The following SGCZ variants were observed in gnomAD, a reference collection of about 807,000 sequenced individuals.
SGCZ encodes the protein zeta-sarcoglycan.
A neutral mutation model predicts 41.3 loss-of-function variants in SGCZ; 40 were observed. The ratio of observed to expected loss-of-function variants is 0.97; its 90% CI spans 0.75 to 1.26. The LOEUF (loss-of-function observed/expected upper bound fraction) is 1.26. SGCZ is among the 50% of genes most tolerant of loss of function. The probability of loss-of-function intolerance (pLI) is 0.00; values close to 1 mark genes in which losing one functional copy is unlikely to be tolerated. For missense variants in SGCZ, 552 were observed against 369.8 expected, an observed-to-expected ratio of 1.49 and a Z score of -4.04; for synonymous variants, 206 against 137.5, an observed-to-expected ratio of 1.50 and a Z score of -3.49.
In SGCZ at chr8:14,335,862, A is replaced by G. The variant is rs527312259; in HGVS notation, c.235-11658T>C. Among the ~76,000 whole-genome samples, 21 of 152,274 alleles carry G rather than the reference A, an allele frequency of 1.4e-4. No individual in the cohort carries two copies. The South Asian group carries it at 4.1e-3, about 30-fold the overall frequency. On this transcript the variant is annotated intron_variant, in intron 2 of 7. Transcript: ENST00000382080. ...ATCAGGTTATAAGCTTATTGCAGGC[A>G]GGTATACAACATCTCTTTACTCAAT...
At chr8:14,579,004 A>T (rs1164250384) in intron 1 of SGCZ, among the ~76,000 whole-genome samples, 1 of 152,184 alleles carries the variant, frequency 6.6e-6, no homozygotes, top group Non-Finnish European at 1.5e-5. Context: ...TTTAACATGC[A>T]GAATTTAATG....
chr8:14,808,471 C>T (rs1439709172), intron 1 of SGCZ, among the ~76,000 whole-genome samples: 1 of 152,108 alleles, frequency 6.6e-6, no homozygotes, highest in African/African-American at 2.4e-5. Flanking sequence ...AGCCAAAAAA[C>T]ACATGAAAAA....
intron 1 of SGCZ, among the ~76,000 whole-genome samples, chr8:15,136,717 A>C (rs1231826420): frequency 6.6e-6 from 1 of 152,060 alleles, no homozygotes; most frequent in East Asian, 1.9e-4. Context: ...GCCTTTAACC[A>C]TGATTGTAAG....
chr8:15,108,188 ATAACT>A (rs1195514743), intron 1 of SGCZ, among the ~76,000 whole-genome samples: 2 of 152,104 alleles, frequency 1.3e-5, no homozygotes, highest in African/African-American at 2.4e-5. Flanking sequence ...TGCTCTTTTA[ATAACT>A]TAATTTAAAA....
chr8:15,137,673 G>C lies in SGCZ; in HGVS notation c.39+99912C>G, dbSNP rs1292282890. Among the ~76,000 whole-genome samples the C allele has an allele frequency of 4.6e-5, 7 of 152,282 alleles. No individual in the cohort carries two copies. In the East Asian group the frequency reaches 1.4e-3, roughly 29 times the overall value. On this transcript the variant is annotated intron_variant, in intron 1 of 7. Coordinates refer to ENST00000382080, the MANE Select transcript of SGCZ (RefSeq NM_139167.4). ...CCCAAGCCTTGGCACCTTTCATGTG[G>C]TGTTGAGCCTGCAGCTACACAGAAG...
At chr8:15,045,505 G>T (rs1585507221) in intron 1 of SGCZ, among the ~76,000 whole-genome samples, 1 of 152,086 alleles carries the variant, frequency 6.6e-6, no homozygotes, top group African/African-American at 2.4e-5. Flanking sequence ...CCTTGGGGTT[G>T]AGCCACAGTA....
At chr8:14,432,680 G>C (rs139455572) in intron 2 of SGCZ, among the ~76,000 whole-genome samples, 1,604 of 152,222 alleles carry the variant, frequency 0.011, 17 homozygotes, top group Middle Eastern at 0.024. Context: ...TTGGGAGGCT[G>C]AGGCGGGCCG....
chr8:15,019,229 G>T (rs1003107884), intron 1 of SGCZ, among the ~76,000 whole-genome samples: 5 of 152,186 alleles, frequency 3.3e-5, no homozygotes, highest in African/African-American at 1.2e-4. Context: ...GGGGGTGAAG[G>T]CATGGAAGTT....
Position 14,109,361 on chromosome 8 carries a change from TG to T in SGCZ, c.548-1127del, listed in dbSNP as rs776947657. On this transcript the variant is annotated intron_variant, in intron 5 of 7. Transcript: ENST00000382080. ...GGATACTTCAATTACCAAAATCAAG[TG>T]GGAAAAAAATGTTCCAAATAAGATG... 4.1e-3 allele frequency among the ~76,000 whole-genome samples: 630 copies of T among 152,168 alleles called. 1 individual carries two copies. Among genetic ancestry groups the T allele is most frequent in the Non-Finnish European group, 6.7e-3 (453 of 67,978 alleles).
At chr8:15,174,931 A>C (rs571330803) in intron 1 of SGCZ, among the ~76,000 whole-genome samples, 1 of 151,620 alleles carries the variant, frequency 6.6e-6, no homozygotes, top group Admixed American at 6.6e-5. Flanking sequence ...CATGGAAAAC[A>C]GTGTGGCGAT....
chr8:14,889,995 G>C (rs1585352680), intron 1 of SGCZ, among the ~76,000 whole-genome samples: 1 of 152,052 alleles, frequency 6.6e-6, no homozygotes, highest in Non-Finnish European at 1.5e-5. Context: ...AAGGCAGGCA[G>C]ATCACAAGGT....
At chr8:14,996,604 G>A (rs183931104) in intron 1 of SGCZ, among the ~76,000 whole-genome samples, 1 of 152,094 alleles carries the variant, frequency 6.6e-6, no homozygotes, top group Non-Finnish European at 1.5e-5. Context: ...GAAGTCAGAT[G>A]GTGGAATTCA....
rs73188357 is a variant in SGCZ at position 14,434,360 on chromosome 8, G to A, written c.235-110156C>T. On this transcript the variant is annotated intron_variant, in intron 2 of 7. Transcript: ENST00000382080. Reference sequence around the variant, plus strand: ...TTTATACTAGCACTATGCTCTTTGGGTGACTGTGGCCTTATAGTATCATTT... The same window carrying A: ...TTTATACTAGCACTATGCTCTTTGGATGACTGTGGCCTTATAGTATCATTT... 3.1e-3 allele frequency among the ~76,000 whole-genome samples: 471 copies of A among 152,280 alleles called. 3 individuals are homozygous for A. Among genetic ancestry groups the A allele is most frequent in the Middle Eastern group, 0.01 (3 of 294 alleles).
chr8:15,216,389 T>G (rs1466508877), intron 1 of SGCZ, among the ~76,000 whole-genome samples: 1 of 151,664 alleles, frequency 6.6e-6, no homozygotes, highest in Non-Finnish European at 1.5e-5. Flanking sequence ...CTGGCTAACT[T>G]TTTTATATTT....
intron 1 of SGCZ, among the ~76,000 whole-genome samples, chr8:14,952,453 G>C (rs1350749121): frequency 6.6e-6 from 1 of 152,126 alleles, no homozygotes; most frequent in African/African-American, 2.4e-5. Flanking sequence ...TAATGCTGCA[G>C]TATTTACATT....
rs189326833 is a variant in SGCZ at position 14,268,490 on chromosome 8, A to T, written c.337-30811T>A. On this transcript the variant is annotated intron_variant, in intron 3 of 7. Coordinates refer to ENST00000382080, the MANE Select transcript of SGCZ (RefSeq NM_139167.4). ...ATACTTGCATATTTGCTATAACACA[A>T]TTGGAAGTTAATTACTCATTGACAA... is the stretch of plus-strand genomic sequence containing the variant. Among the ~76,000 whole-genome samples, 10 of 151,890 alleles carry T rather than the reference A, an allele frequency of 6.6e-5. No homozygotes were observed. In the East Asian group the frequency reaches 1.9e-3, roughly 29 times the overall value.
At chr8:14,359,357 T>A (rs1350667402) in intron 2 of SGCZ, among the ~76,000 whole-genome samples, 1 of 151,848 alleles carries the variant, frequency 6.6e-6, no homozygotes, top group Non-Finnish European at 1.5e-5. Flanking sequence ...CTGTACTTAA[T>A]CCACACTATA....
At chr8:14,609,649 G>C (rs959129122) in intron 1 of SGCZ, among the ~76,000 whole-genome samples, 1 of 152,276 alleles carries the variant, frequency 6.6e-6, no homozygotes, top group Non-Finnish European at 1.5e-5. Flanking sequence ...CTAAAAGCTG[G>C]AGGGGACCAA....
At chr8:14,559,334 C>T (rs1804136992) in intron 1 of SGCZ, among the ~76,000 whole-genome samples, 1 of 152,098 alleles carries the variant, frequency 6.6e-6, no homozygotes, top group Non-Finnish European at 1.5e-5. Context: ...TATACACCAA[C>T]AGTGACCAAG....
Sources: allele counts gnomAD v4.1 joint callset (sites outside exome capture counted in the v4.1 genomes callset), GRCh38; gene constraint gnomAD v4.1.1; transcripts MANE v1.5; gene names NCBI Gene and HGNC (gene_info 2026-07-23, HGNC 2026-07-21).